ISL1: variants seen among roughly 807,000 people sequenced by gnomAD.
ISL1 encodes insulin gene enhancer protein ISL-1.
Under a neutral mutation model 35.3 loss-of-function variants are expected in ISL1, and 4 were observed. The observed-to-expected ratio is 0.11, with a 90% CI of 0.06 to 0.26. The LOEUF (loss-of-function observed/expected upper bound fraction) is 0.26. ISL1 is among the 10% of genes least tolerant of loss of function. The probability of loss-of-function intolerance (pLI) is 1.00; values close to 1 mark genes in which losing one functional copy is unlikely to be tolerated. For synonymous variants in ISL1, 186 were observed against 172.3 expected, an observed-to-expected ratio of 1.08 and a Z score of -0.62; for missense variants, 340 against 472.8, an observed-to-expected ratio of 0.72 and a Z score of 2.60.
At position 51,394,493 on chromosome 5, in the gene ISL1, A is replaced by G. The variant is rs1237156692; in HGVS notation, c.*883A>G. ...TGTTTGCTCTTGCATTGCAAAAATT[A>G]TAAAGTAATTTATTATTTATTGTCG... On this transcript the variant is annotated 3_prime_UTR_variant, in exon 6 of 6. Coordinates refer to ENST00000230658, the MANE Select transcript of ISL1 (RefSeq NM_002202.3). 1 of 152,258 alleles carries G rather than the reference A, an allele frequency of 6.6e-6. No homozygotes were observed. The highest frequency in any genetic ancestry group is 1.5e-5 in the Non-Finnish European group (1 of 68,000). The allele number at this position is 152,258 out of a possible 1,614,324, so 9.4% of individuals were successfully genotyped here.
rs1422666944 is a variant in ISL1, at chr5:51,390,669, T to C, written c.766-605T>C. ...TTTTTTTTTTTTTTTTTTTTTTTTT[T>C]TTTTTTTTTTTACTGCTTTGGACCT... On this transcript the variant is annotated intron_variant, in intron 4 of 5. Coordinates refer to ENST00000230658, the MANE Select transcript of ISL1 (RefSeq NM_002202.3). Among the ~76,000 whole-genome samples, 41 of 133,956 alleles carry C rather than the reference T, an allele frequency of 3.1e-4. 1 individual carries two copies. Among genetic ancestry groups the C allele is most frequent in the African/African-American group, 1.9e-4 (7 of 36,944 alleles). The allele number at this position is 133,956 out of a possible 152,430, so 87.9% of individuals were successfully genotyped here.
chr5:51,390,636 C>CTT (rs1216503548), intron 4 of ISL1, among the ~76,000 whole-genome samples: 1 of 74,326 alleles, frequency 1.3e-5, no homozygotes, highest in Admixed American at 1.5e-4. Flanking sequence ...TCTTTTCTTT[C>CTT]TTTTTCTTTT....
chr5:51,386,518 C>A, intron 2 of ISL1: 1 of 451,272 alleles, frequency 2.2e-6, no homozygotes, highest in South Asian at 1.6e-5. Context: ...TTTCCTCTCT[C>A]TTCCATTCTT....
intron 3 of ISL1, among the ~76,000 whole-genome samples, chr5:51,388,200 G>A (rs1355012292): frequency 1.3e-5 from 2 of 152,220 alleles, no homozygotes; most frequent in Non-Finnish European, 2.9e-5. Flanking sequence ...AAGTCATTTA[G>A]TCTCCCAAAT....
At chr5:51,385,676 T>C (rs1239411284) in intron 2 of ISL1, among the ~76,000 whole-genome samples, 1 of 151,990 alleles carries the variant, frequency 6.6e-6, no homozygotes, top group African/African-American at 2.4e-5. Flanking sequence ...GTTTTCTGCC[T>C]TAGAAAGCCA....
Position 51,389,463 on chromosome 5 carries a change from C to A in ISL1, c.479-183C>A, listed in dbSNP as rs1487611606. Among the ~76,000 whole-genome samples the A allele has an allele frequency of 6.6e-6, 1 of 151,846 alleles. No individual in the cohort carries two copies. Among genetic ancestry groups the A allele is most frequent in the African/African-American group, 2.4e-5 (1 of 41,488 alleles). On this transcript the variant is annotated intron_variant, in intron 3 of 5. Transcript: ENST00000230658. This position sits in a 1 kb window ranked among gnomAD's most constrained non-coding sequence, Gnocchi z 5.0. ...CCTTTCACCCTCTTCGCCCCCACCT[C>A]TGCCGCCCCCTGCTTTGTGTGCTGA... is the stretch of plus-strand genomic sequence containing the variant.
At chr5:51,391,153 CAAT>C (rs1223525508) in intron 4 of ISL1, 118 bp from the exon 5 acceptor site, 2 of 895,204 alleles carry the variant, frequency 2.2e-6, no homozygotes, top group Non-Finnish European at 3.4e-6. Flanking sequence ...TTAACTGAGT[CAAT>C]AAAGACCACT....
chr5:51,389,720 C>A lies in ISL1; in HGVS notation c.553C>A (p.Arg185=). The stretch of plus-strand genomic sequence containing the variant: ...GCAGCCGGAGAAGACCACCCGCGTG[C>A]GGACTGTGCTGAACGAGAAGCAGCT... ...HKQPEKTTRV[R]TVLNEKQLHT... is the part of the protein sequence containing the mutation. Residue 185 remains arginine (R), a synonymous_variant, in exon 4 of 6, where the codon CGG becomes AGG. Coordinates refer to ENST00000230658, the MANE Select transcript of ISL1 (RefSeq NM_002202.3). This position sits in a 1 kb window ranked among gnomAD's most constrained non-coding sequence, Gnocchi z 5.0. 3 of 1,614,008 alleles carry A rather than the reference C, an allele frequency of 1.9e-6. No individual in the cohort carries two copies. The highest frequency in any genetic ancestry group is 2.5e-6 in the Non-Finnish European group (3 of 1,180,036).
At chr5:51,390,404 A>G (rs1747466966) in intron 4 of ISL1, among the ~76,000 whole-genome samples, 1 of 151,962 alleles carries the variant, frequency 6.6e-6, no homozygotes, top group African/African-American at 2.4e-5. Flanking sequence ...CCCAGGGCGC[A>G]CCGCACTTCT....
intron 1 of ISL1, 130 bp from the exon 2 acceptor site, chr5:51,384,411 A>C (rs4151673): frequency 3.8e-6 from 3 of 793,646 alleles, no homozygotes; most frequent in Non-Finnish European, 6.0e-6. Flanking sequence ...TCTAAAAAAA[A>C]AAAAAAAGAA....
chr5:51,391,644 G>A (rs1217750329), intron 5 of ISL1, among the ~76,000 whole-genome samples: 1 of 151,880 alleles, frequency 6.6e-6, no homozygotes, highest in African/African-American at 2.4e-5. Context: ...TAATGAGACT[G>A]CATAATTTGA....
At chr5:51,388,217 T>C (rs1169594513) in intron 3 of ISL1, among the ~76,000 whole-genome samples, 1 of 152,258 alleles carries the variant, frequency 6.6e-6, no homozygotes, top group Non-Finnish European at 1.5e-5. Flanking sequence ...AAATCCTTTT[T>C]CCTTGTGAGT....
chr5:51,389,693 A>G lies in ISL1; in HGVS notation c.526A>G (p.Lys176Glu), dbSNP rs1455600650. Residue 176 changes from lysine to glutamate, a missense_variant, in exon 4 of 6, where the codon AAG (lysine) becomes GAG (glutamate). Physicochemically the swap from Lys to Glu is moderately conservative, Grantham distance 56. Around this residue, in one of 7 missense-constraint regions of ISL1, gnomAD observed 94 missense variants for 102.1 expected, o/e 0.92. Coordinates refer to ENST00000230658, the MANE Select transcript of ISL1 (RefSeq NM_002202.3). The surrounding 1 kb of genome is among the most constrained non-coding windows in gnomAD (Gnocchi z 5.0). ...GCCAGCCCTGCGGCCCCACGTCCACAAGCAGCCGGAGAAGACCACCCGCGT... is the reference window on the plus strand; with the variant it reads ...GCCAGCCCTGCGGCCCCACGTCCACGAGCAGCCGGAGAAGACCACCCGCGT... ...RQPALRPHVH[K>E]QPEKTTRVRT... 6.2e-6 allele frequency: 10 copies of G among 1,613,168 alleles called. No individual in the cohort carries two copies. The highest frequency in any genetic ancestry group is 8.5e-6 in the Non-Finnish European group (10 of 1,179,956).
rs982868662 is a variant in ISL1 at position 51,383,663 on chromosome 5, C to A, written c.-9C>A. 3.1e-6 allele frequency: 5 copies of A among 1,607,014 alleles called. No homozygotes were observed. In the Admixed American group the frequency reaches 8.3e-5, roughly 27 times the overall value. The stretch of plus-strand genomic sequence containing the variant: ...CATTTCACTGTGGACATTACTCCCT[C>A]TTACAGATATGGGAGACATGGGAGA... On this transcript the variant is annotated 5_prime_UTR_variant, in exon 1 of 6. Transcript: ENST00000230658.
At chr5:51,392,792 G>A (rs900972782) in intron 5 of ISL1, among the ~76,000 whole-genome samples, 1 of 152,168 alleles carries the variant, frequency 6.6e-6, no homozygotes, top group African/African-American at 2.4e-5. Context: ...CATAGTTAGA[G>A]AAGGTTTACA....
chr5:51,386,376 C>CTG (rs3138746), intron 2 of ISL1: 20,956 of 262,122 alleles, frequency 0.08, 614 homozygotes, highest in East Asian at 0.12. Context: ...TCTCTCAACT[C>CTG]TGTGTGTGTG....
In ISL1 at chr5:51,389,584, A is replaced by G; in HGVS notation, c.479-62A>G. The G allele has an allele frequency of 1.4e-6, 2 of 1,386,760 alleles. No individual in the cohort carries two copies. Among genetic ancestry groups the G allele is most frequent in the Non-Finnish European group, 1.9e-6 (2 of 1,074,112 alleles). 85.9% of individuals were successfully genotyped at this position (1,386,760 alleles called of 1,614,324 possible). ...AAGCGAGCGAGCGAGCGAGCGCGCGACCGCGGGCGGGCCGGCAAGCGAGCC... is the reference window on the plus strand; with the variant it reads ...AAGCGAGCGAGCGAGCGAGCGCGCGGCCGCGGGCGGGCCGGCAAGCGAGCC... On this transcript the variant is annotated intron_variant, in intron 3 of 5. Coordinates refer to ENST00000230658, the MANE Select transcript of ISL1 (RefSeq NM_002202.3). The surrounding 1 kb of genome is among the most constrained non-coding windows in gnomAD (Gnocchi z 5.0).
intron 4 of ISL1, among the ~76,000 whole-genome samples, chr5:51,390,526 C>T (rs1282733923): frequency 1.3e-5 from 2 of 152,052 alleles, no homozygotes; most frequent in Non-Finnish European, 2.9e-5. Flanking sequence ...AGGCATCAGG[C>T]CCCTCGCACC....
At chr5:51,384,851 C>A in intron 2 of ISL1, 121 bp downstream of exon 2, 1 of 877,832 alleles carries the variant, frequency 1.1e-6, no homozygotes, top group Non-Finnish European at 1.9e-6. Context: ...GTCATACAAG[C>A]CAAAGTTACC....
Sources: gnomAD v4.1 joint callset for allele counts (sites outside exome capture counted in the v4.1 genomes callset) on GRCh38, gnomAD v4.1.1 for gene constraint, gnomAD v4.1.1 regional missense constraint, Gnocchi (gnomAD v3.1) non-coding constraint, MANE v1.5 for transcripts, NCBI Gene and HGNC (gene_info 2026-07-23, HGNC 2026-07-21) for gene names.